Variants in TASP1 observed in about 807,000 individuals in gnomAD.
The protein encoded by TASP1 is taspase 1, also known as threonine aspartase 1.
TASP1 carries 16 observed loss-of-function variants against 56.6 expected under a neutral mutation model. The observed-to-expected ratio is 0.28, with a 90% CI of 0.19 to 0.43. TASP1 has a LOEUF of 0.43. Ranked by LOEUF, TASP1 falls within the 20% of genes least tolerant of loss-of-function variation. TASP1 has a pLI of 1.00. For missense variants in TASP1, 393 were observed against 511.6 expected (o/e 0.77, Z 2.24); for synonymous variants, 179 against 184.2 (o/e 0.97, Z 0.23).
chr20:13,565,399 T>C (rs1333558781), intron 7 of TASP1, among the ~76,000 whole-genome samples: 2 of 152,020 alleles, frequency 1.3e-5, no homozygotes, highest in East Asian at 1.9e-4. Flanking sequence ...ACACAATCAA[T>C]GGAGTGAAAA....
At chr20:13,594,395 A>T (rs896891164) in intron 4 of TASP1, among the ~76,000 whole-genome samples, 2 of 152,260 alleles carry the variant, frequency 1.3e-5, no homozygotes, top group African/African-American at 2.4e-5. Flanking sequence ...TGACAGAAGT[A>T]GGCTTCAGAA....
chr20:13,593,971 C>T (rs893392163), intron 4 of TASP1, among the ~76,000 whole-genome samples: 4 of 152,196 alleles, frequency 2.6e-5, no homozygotes, highest in African/African-American at 9.6e-5. Context: ...ACACCTCATA[C>T]AGGTGGGTGC....
chr20:13,500,729 G>A (rs2043916902), intron 10 of TASP1, among the ~76,000 whole-genome samples: 1 of 151,912 alleles, frequency 6.6e-6, no homozygotes, highest in Non-Finnish European at 1.5e-5. Flanking sequence ...GAAATACAAA[G>A]AGGAAAAGAA....
At chr20:13,379,057 G>T in the TASP1 span, among the ~76,000 whole-genome samples, 2 of 151,910 alleles carry the variant, frequency 1.3e-5, no homozygotes, top group Non-Finnish European at 2.9e-5. Context: ...TTTAATTGGG[G>T]CATTTAGCCC....
the TASP1 span, among the ~76,000 whole-genome samples, chr20:13,297,094 G>A: frequency 6.6e-6 from 1 of 152,242 alleles, no homozygotes; most frequent in East Asian, 1.9e-4. Context: ...AGTTTTTGAG[G>A]CAAAGAAGGG....
the TASP1 span, among the ~76,000 whole-genome samples, chr20:13,236,147 T>G: frequency 6.6e-6 from 1 of 152,082 alleles, no homozygotes; most frequent in Non-Finnish European, 1.5e-5. Context: ...ATGGTCTCGA[T>G]CTCTTAACCT....
rs1286640424 is a variant in TASP1 at position 13,568,445 on chromosome 20, TTC to T, written c.568+1060_568+1061del. Among the ~76,000 whole-genome samples, 8 of 152,300 alleles carry T rather than the reference TTC, an allele frequency of 5.3e-5. No individual in the cohort carries two copies. In the South Asian group the frequency reaches 6.2e-4, roughly 12 times the overall value. On this transcript the variant is annotated intron_variant, in intron 7 of 13. Coordinates refer to ENST00000337743, the MANE Select transcript of TASP1 (RefSeq NM_017714.3). ...ATTTAAAAAATAGTGTTTTTAATATTTCTTTCTCATTTTATGCAAATATTTTT... is the reference window on the plus strand; with the variant it reads ...ATTTAAAAAATAGTGTTTTTAATATTTTTCTCATTTTATGCAAATATTTTT...
chr20:13,417,591 A>T, intron 12 of TASP1, 70 bp from the exon 13 acceptor site: 1 of 1,545,070 alleles, frequency 6.5e-7, no homozygotes, highest in South Asian at 1.2e-5. Flanking sequence ...GCTTTTTAAT[A>T]GAACAGTTAA....
the TASP1 span, among the ~76,000 whole-genome samples, chr20:13,153,753 A>G: frequency 1.3e-5 from 2 of 152,098 alleles, no homozygotes; most frequent in Non-Finnish European, 2.9e-5. Flanking sequence ...CCTCTAGCGT[A>G]TCCTGGCTTC....
At chr20:13,565,007 A>C (rs969719707) in intron 7 of TASP1, among the ~76,000 whole-genome samples, 6 of 122,096 alleles carry the variant, frequency 4.9e-5, no homozygotes. Context: ...ACTCCATCTC[A>C]AAAAAAAAAA....
At position 13,561,585 on chromosome 20, in the gene TASP1, T is replaced by C. The variant is rs149395917; in HGVS notation, c.569-2471A>G. 1.9e-3 allele frequency among the ~76,000 whole-genome samples: 282 copies of C among 152,236 alleles called. 1 individual carries two copies. Among genetic ancestry groups the C allele is most frequent in the African/African-American group, 6.4e-3 (266 of 41,526 alleles). On this transcript the variant is annotated intron_variant, in intron 7 of 13. Coordinates refer to ENST00000337743, the MANE Select transcript of TASP1 (RefSeq NM_017714.3). ...TTTCACCATGTCGGCCAGACTCGTC[T>C]CAAACTCCTGAGCTCAGGTGATTCG...
At chr20:13,156,850 C>T in the TASP1 span, among the ~76,000 whole-genome samples, 1 of 152,182 alleles carries the variant, frequency 6.6e-6, no homozygotes, top group Non-Finnish European at 1.5e-5. Flanking sequence ...GGTTGCATGG[C>T]TCTCCAAAAT....
the TASP1 span, among the ~76,000 whole-genome samples, chr20:13,297,029 AC>A: frequency 6.8e-6 from 1 of 147,558 alleles, no homozygotes; most frequent in African/African-American, 2.5e-5. Context: ...TCACTGCCTC[AC>A]CCCCCGCCAA....
At chr20:13,499,877 A>AACAG (rs1317415089) in intron 10 of TASP1, among the ~76,000 whole-genome samples, 7 of 152,182 alleles carry the variant, frequency 4.6e-5, no homozygotes, top group African/African-American at 1.7e-4. Flanking sequence ...ATAACTCAAA[A>AACAG]ACAGAAAATC....
At chr20:13,203,460 T>C in the TASP1 span, among the ~76,000 whole-genome samples, 1 of 152,238 alleles carries the variant, frequency 6.6e-6, no homozygotes, top group Admixed American at 6.5e-5. Context: ...GATCAAACTT[T>C]AGGATCTTGT....
intron 4 of TASP1, among the ~76,000 whole-genome samples, chr20:13,594,264 A>C (rs1268286962): frequency 6.6e-6 from 1 of 152,246 alleles, no homozygotes; most frequent in Non-Finnish European, 1.5e-5. Context: ...AACCACAAAG[A>C]TGAGGAGAAA....
chr20:13,356,971 A>G, the TASP1 span, among the ~76,000 whole-genome samples: 1 of 152,226 alleles, frequency 6.6e-6, no homozygotes, highest in African/African-American at 2.4e-5. Flanking sequence ...TTAGCTTGGC[A>G]GTCTTGCTCT....
Position 13,448,587 on chromosome 20 carries a change from G to A in TASP1, c.986-13433C>T, listed in dbSNP as rs2043500553. 2.0e-5 allele frequency among the ~76,000 whole-genome samples: 3 copies of A among 152,052 alleles called. No homozygotes were observed. The South Asian group carries it at 6.2e-4, about 31-fold the overall frequency. On this transcript the variant is annotated intron_variant, in intron 11 of 13. Coordinates refer to ENST00000337743, the MANE Select transcript of TASP1 (RefSeq NM_017714.3). ...TCACTCCAAAATTCTGGGATCATGT[G>A]TATTCTTACACAAAGAAACGTGGCG...
the TASP1 span, among the ~76,000 whole-genome samples, chr20:13,107,122 G>T: frequency 6.6e-6 from 1 of 152,102 alleles, no homozygotes; most frequent in Non-Finnish European, 1.5e-5. Context: ...TTGCGTTATG[G>T]GTTCCAGACC....
Sources: gnomAD v4.1 joint callset for allele counts (sites outside exome capture counted in the v4.1 genomes callset) on GRCh38, gnomAD v4.1.1 for gene constraint, MANE v1.5 for transcripts, NCBI Gene and HGNC (gene_info 2026-07-23, HGNC 2026-07-21) for gene names.